BTRC: variants seen among roughly 807,000 people sequenced by gnomAD.
BTRC encodes beta-transducin repeat containing E3 ubiquitin protein ligase.
BTRC carries 42 observed loss-of-function variants against 85.5 expected under a neutral mutation model. The observed-to-expected ratio is 0.49, with a 90% CI of 0.38 to 0.64. The LOEUF is 0.64. Ranked by LOEUF, BTRC falls within the 30% of genes least tolerant of loss-of-function variation. The probability of loss-of-function intolerance (pLI) is 0.00; values close to 1 mark genes in which losing one functional copy is unlikely to be tolerated. For missense variants in BTRC, 594 were observed against 743.5 expected (o/e 0.80, Z 2.34); for synonymous variants, 255 against 263.3 (o/e 0.97, Z 0.30).
intron 1 of BTRC, among the ~76,000 whole-genome samples, chr10:101,366,860 T>TTATATATATTTATGTATATTAA (rs373264156): frequency 5.1e-4 from 13 of 25,410 alleles, no homozygotes; most frequent in Non-Finnish European, 9.6e-4. Context: ...TAATATATAT[T>TTATATATATTTATGTATATTAA]TATATATTAA....
intron 1 of BTRC, among the ~76,000 whole-genome samples, chr10:101,364,391 A>G (rs1942303762): frequency 6.6e-6 from 1 of 152,176 alleles, no homozygotes. Context: ...TTTGGGACTG[A>G]TAAGCTTGAT....
At chr10:101,503,434 T>A (rs767563456) in intron 4 of BTRC, among the ~76,000 whole-genome samples, 2 of 152,212 alleles carry the variant, frequency 1.3e-5, no homozygotes, top group Non-Finnish European at 2.9e-5. Flanking sequence ...TACTAACTTG[T>A]GTGAATCTGA....
At chr10:101,354,865 A>G (rs190624508) in intron 1 of BTRC, among the ~76,000 whole-genome samples, 175 of 152,328 alleles carry the variant, frequency 1.1e-3, no homozygotes, top group African/African-American at 4.0e-3. Flanking sequence ...AGGCCTCACT[A>G]AAGAAGATAA....
chr10:101,456,018 A>ACACACACACACACACAC (rs60361192), intron 2 of BTRC, among the ~76,000 whole-genome samples: 74 of 150,158 alleles, frequency 4.9e-4, no homozygotes, highest in East Asian at 9.8e-4. Context: ...ACACACACAC[A>ACACACACACACACACAC]AAATTAGCTG....
chr10:101,395,070 G>C (rs1174196284), intron 1 of BTRC, among the ~76,000 whole-genome samples: 1 of 152,138 alleles, frequency 6.6e-6, no homozygotes, highest in Non-Finnish European at 1.5e-5. Context: ...GTATCATCTT[G>C]TGTATAGCCT....
At position 101,532,394 on chromosome 10, in the gene BTRC, C is replaced by A; in HGVS notation, c.940C>A (p.Gln314Lys). Residue 314 changes from glutamine to lysine, a missense_variant, in exon 8 of 15, where the codon CAG becomes AAG. Physicochemically the swap from Gln to Lys is moderately conservative, Grantham distance 53. Around this residue, in one of 4 missense-constraint regions of BTRC, gnomAD observed 373 missense variants for 503.6 expected, o/e 0.74. Transcript: ENST00000370187. ...AGTTTACTGTTTACAGTATGATGAT[C>A]AGAAAATAGTAAGCGGCCTTCGAGA... Reference protein sequence around the residue: ...KGVYCLQYDDQKIVSGLRDNT... With the variant: ...KGVYCLQYDDKKIVSGLRDNT... 6.2e-7 allele frequency: 1 copy of A among 1,612,832 alleles called. No homozygotes were observed. Among genetic ancestry groups the A allele is most frequent in the Non-Finnish European group, 8.5e-7 (1 of 1,179,686 alleles).
intron 1 of BTRC, among the ~76,000 whole-genome samples, chr10:101,369,225 T>TA (rs1442062354): frequency 6.6e-6 from 1 of 152,070 alleles, no homozygotes; most frequent in Admixed American, 6.6e-5. Context: ...TATTATTTTT[T>TA]TTTTTTTAAA....
At chr10:101,370,249 GCA>G (rs1942594053) in intron 1 of BTRC, among the ~76,000 whole-genome samples, 1 of 151,392 alleles carries the variant, frequency 6.6e-6, no homozygotes, top group African/African-American at 2.4e-5. Context: ...AGTCTCCTGA[GCA>G]TCTGGGACTA....
chr10:101,438,783 C>T (rs1944605011), intron 2 of BTRC, among the ~76,000 whole-genome samples: 1 of 152,088 alleles, frequency 6.6e-6, no homozygotes. Flanking sequence ...ACTTCAACTG[C>T]AGCACAGTGC....
chr10:101,508,674 G>GGAGGCCGAGGCGGGCAGATCAC (rs1243287660), intron 4 of BTRC, among the ~76,000 whole-genome samples: 1 of 152,080 alleles, frequency 6.6e-6, no homozygotes. Context: ...CAGCACTTTG[G>GGAGGCCGAGGCGGGCAGATCAC]GAGGCCGAGG....
chr10:101,429,204 G>T (rs577336145), intron 1 of BTRC, among the ~76,000 whole-genome samples: 29 of 152,078 alleles, frequency 1.9e-4, no homozygotes, highest in African/African-American at 6.8e-4. Flanking sequence ...GTTATTATTA[G>T]ACTGTAATAG....
At chr10:101,437,998 G>A (rs1271397976) in intron 2 of BTRC, among the ~76,000 whole-genome samples, 1 of 152,194 alleles carries the variant, frequency 6.6e-6, no homozygotes, top group African/African-American at 2.4e-5. Flanking sequence ...TGTACCCAGA[G>A]CATGCATGGA....
At chr10:101,440,315 G>A (rs113267152) in intron 2 of BTRC, among the ~76,000 whole-genome samples, 12 of 151,706 alleles carry the variant, frequency 7.9e-5, no homozygotes, top group African/African-American at 2.2e-4. Context: ...CACTATTGAT[G>A]TATGCTTTCA....
Position 101,391,827 on chromosome 10 carries a change from G to A in BTRC, c.48+37599G>A, listed in dbSNP as rs187422404. Among the ~76,000 whole-genome samples the A allele has an allele frequency of 4.2e-3, 641 of 152,188 alleles. 17 individuals carry two copies. Among genetic ancestry groups the A allele is most frequent in the Non-Finnish European group, 1.2e-3 (84 of 68,012 alleles). ...TAAATATAAATAAGTAAATATATAT[G>A]TGTAAATTGTGTCCAGATAGTTGTA... On this transcript the variant is annotated intron_variant, in intron 1 of 14. Coordinates refer to ENST00000370187, the MANE Select transcript of BTRC (RefSeq NM_033637.4).
intron 1 of BTRC, among the ~76,000 whole-genome samples, chr10:101,375,434 C>G (rs972975108): frequency 9.2e-5 from 14 of 152,180 alleles, no homozygotes; most frequent in Non-Finnish European, 1.8e-4. Flanking sequence ...GAACCGTGAG[C>G]CAATGAAACC....
At chr10:101,487,637 G>A (rs1217528458) in intron 4 of BTRC, among the ~76,000 whole-genome samples, 4 of 152,164 alleles carry the variant, frequency 2.6e-5, no homozygotes, top group Non-Finnish European at 4.4e-5. Context: ...TATGGCAGCA[G>A]GTAATCCATC....
intron 3 of BTRC, among the ~76,000 whole-genome samples, chr10:101,471,990 G>A (rs1011428136): frequency 6.6e-6 from 1 of 152,128 alleles, no homozygotes; most frequent in Non-Finnish European, 1.5e-5. Flanking sequence ...TCATCGTTCT[G>A]AGTATTTCCA....
At chr10:101,442,168 A>G (rs919748018) in intron 2 of BTRC, among the ~76,000 whole-genome samples, 1 of 152,152 alleles carries the variant, frequency 6.6e-6, no homozygotes, top group African/African-American at 2.4e-5. Flanking sequence ...GTTCCTGAAG[A>G]TGGTGAACAT....
In BTRC at chr10:101,508,913, T is replaced by TAAAAAAAAAAAAAAAAAA. The variant is rs59998718; in HGVS notation, c.325-12720_325-12703dup. Among the ~76,000 whole-genome samples the TAAAAAAAAAAAAAAAAAA allele has an allele frequency of 5.2e-4, 53 of 101,924 alleles. 1 individual carries two copies. The highest frequency in any genetic ancestry group is 6.6e-4 in the Admixed American group (6 of 9,026). 66.9% of individuals were successfully genotyped at this position (101,924 alleles called of 152,430 possible). A position where few individuals can be genotyped will look rare whatever the true frequency, so the allele number is the denominator to read the frequency against. On this transcript the variant is annotated intron_variant, in intron 4 of 14. Coordinates refer to ENST00000370187, the MANE Select transcript of BTRC (RefSeq NM_033637.4). The stretch of plus-strand genomic sequence containing the variant: ...TGGGCAACAATGCAAGACTCCATCT[T>TAAAAAAAAAAAAAAAAAA]AAAAAAAAAAAAAAAAAAAAAAACT...
Sources: allele counts gnomAD v4.1 joint callset (sites outside exome capture counted in the v4.1 genomes callset), GRCh38; gene constraint gnomAD v4.1.1; regional missense constraint gnomAD v4.1.1; transcripts MANE v1.5; gene names NCBI Gene and HGNC (gene_info 2026-07-23, HGNC 2026-07-21).